Variants in AGXT2 observed in about 807,000 individuals in gnomAD.
AGXT2 encodes the protein alanine--glyoxylate aminotransferase 2, mitochondrial.
In AGXT2, 61 loss-of-function variants were observed where a neutral mutation model predicts 62.5. That is an observed-to-expected ratio of 0.98 (90% CI 0.79 to 1.21). The LOEUF (loss-of-function observed/expected upper bound fraction) is 1.21, where lower values mean the gene tolerates loss of function less well. Ranked by LOEUF, AGXT2 falls within the 50% of genes most tolerant of loss-of-function variation. The pLI, the probability that AGXT2 is intolerant of heterozygous loss-of-function variation, is 0.00. For missense variants in AGXT2, 666 were observed against 641.5 expected (o/e 1.04, Z -0.41); for synonymous variants, 243 against 218.7 (o/e 1.11, Z -0.98).
At chr5:35,000,003 C>A (rs912613397) in intron 13 of AGXT2, among the ~76,000 whole-genome samples, 10 of 152,204 alleles carry the variant, frequency 6.6e-5, no homozygotes, top group African/African-American at 2.4e-4. Flanking sequence ...ACCCCCTTGT[C>A]CCCTATGGCT....
At chr5:35,003,624 TG>T in intron 13 of AGXT2, 138 bp downstream of exon 13, 2 of 809,986 alleles carry the variant, frequency 2.5e-6, no homozygotes, top group Non-Finnish European at 4.2e-6. Flanking sequence ...GACATGTGGC[TG>T]GGTACCTCGG....
intron 1 of AGXT2, among the ~76,000 whole-genome samples, chr5:35,044,193 C>G (rs28305): frequency 0.89 from 135,705 of 152,226 alleles, 61,182 homozygotes; most frequent in African/African-American, 0.97. Flanking sequence ...CTGATATTGA[C>G]GTTTGAGACA....
At chr5:35,001,307 C>T (rs1482789136) in intron 13 of AGXT2, among the ~76,000 whole-genome samples, 1 of 152,202 alleles carries the variant, frequency 6.6e-6, no homozygotes, top group African/African-American at 2.4e-5. Flanking sequence ...TCTGGTTCTT[C>T]ATATCCACAG....
At chr5:35,009,569 C>T (rs755561259) in intron 12 of AGXT2, among the ~76,000 whole-genome samples, 33 of 152,090 alleles carry the variant, frequency 2.2e-4, no homozygotes, top group Non-Finnish European at 4.3e-4. Context: ...GCACTCCCAG[C>T]CTGGGTGACA....
At chr5:35,026,588 A>T in intron 7 of AGXT2, 78 bp from the exon 8 acceptor site, 1 of 1,289,032 alleles carries the variant, frequency 7.8e-7, no homozygotes, top group Non-Finnish European at 1.1e-6. Flanking sequence ...ACATGGGGAA[A>T]AACAGGAAAA....
chr5:35,000,915 G>A (rs78263577), intron 13 of AGXT2, among the ~76,000 whole-genome samples: 6,390 of 152,260 alleles, frequency 0.042, 181 homozygotes, highest in African/African-American at 0.072. Context: ...AGTAGAAATT[G>A]TACATCAAGT....
chr5:35,043,054 TTTC>T (rs1768048116), intron 1 of AGXT2, among the ~76,000 whole-genome samples: 2 of 152,222 alleles, frequency 1.3e-5, no homozygotes, highest in South Asian at 4.1e-4. Flanking sequence ...ACTAGTGAGC[TTTC>T]ATTTCCAAGC....
At chr5:35,001,496 T>C (rs986750080) in intron 13 of AGXT2, among the ~76,000 whole-genome samples, 28 of 152,378 alleles carry the variant, frequency 1.8e-4, no homozygotes, top group African/African-American at 5.0e-4. Context: ...GGATCCTGGT[T>C]CTGTCATTAC....
Position 35,003,752 on chromosome 5 carries a change from C to T in AGXT2, c.1437+11G>A, listed in dbSNP as rs747732789. On this transcript the variant is annotated intron_variant, in intron 13 of 13. Transcript: ENST00000231420. ...CCTAGAGCGATAGGTAAAAACCAGT[C>T]TTTCTCTTACCTGAGAAAAAATGCT... 6.2e-7 allele frequency: 1 copy of T among 1,611,358 alleles called. No individual in the cohort carries two copies. Among genetic ancestry groups the T allele is most frequent in the East Asian group, 2.2e-5 (1 of 44,860 alleles).
rs143428511 is a variant in AGXT2 at position 35,033,873 on chromosome 5, G to A, written c.582-320C>T. 4.0e-3 allele frequency among the ~76,000 whole-genome samples: 604 copies of A among 152,220 alleles called. 3 individuals carry two copies. Among genetic ancestry groups the A allele is most frequent in the African/African-American group, 0.014 (584 of 41,542 alleles). The stretch of plus-strand genomic sequence containing the variant: ...AGCAACAACATACCAGAAATTGTAT[G>A]TTCAATGAATACCAGTCTTCGAAGT... On this transcript the variant is annotated intron_variant, in intron 5 of 13. Transcript: ENST00000231420.
intron 9 of AGXT2, among the ~76,000 whole-genome samples, chr5:35,014,775 C>T (rs1008080578): frequency 1.5e-4 from 23 of 152,114 alleles, no homozygotes; most frequent in African/African-American, 5.3e-4. Flanking sequence ...CTTTGATGAG[C>T]GTTTCCTCTG....
At chr5:35,042,455 A>C (rs1768021448) in intron 1 of AGXT2, among the ~76,000 whole-genome samples, 1 of 152,308 alleles carries the variant, frequency 6.6e-6, no homozygotes, top group South Asian at 2.1e-4. Flanking sequence ...ATAAACCTGG[A>C]TAATACCTCC....
chr5:35,033,530 G>A lies in AGXT2; in HGVS notation c.605C>T (p.Pro202Leu). ...SFRGAYHGCS[P>L]YTLGLTNVGT... ...TACGTTTGTCAAGCCAAGTGTGTAA[G>A]GACTGCATCCATGGTAGGCTCCTCT... The change falls in exon 6 of 14, where the codon CCT (proline) becomes CTT (leucine). Residue 202 changes from proline to leucine, a missense_variant. Physicochemically the swap from Pro to Leu is moderately conservative, Grantham distance 98. Transcript: ENST00000231420. The A allele has an allele frequency of 6.2e-7, 1 of 1,613,796 alleles. No homozygotes were observed. Among genetic ancestry groups the A allele is most frequent in the Non-Finnish European group, 8.5e-7 (1 of 1,179,730 alleles).
intron 9 of AGXT2, among the ~76,000 whole-genome samples, chr5:35,017,692 C>T (rs1194278959): frequency 6.6e-6 from 1 of 152,206 alleles, no homozygotes; most frequent in East Asian, 1.9e-4. Context: ...GAACGCAGTT[C>T]CTCACCAGTA....
At chr5:35,022,212 C>T (rs1289257907) in intron 9 of AGXT2, among the ~76,000 whole-genome samples, 1 of 152,180 alleles carries the variant, frequency 6.6e-6, no homozygotes, top group Non-Finnish European at 1.5e-5. Flanking sequence ...ACCCAGCCAT[C>T]CCATTACTGG....
intron 3 of AGXT2, among the ~76,000 whole-genome samples, chr5:35,038,080 G>A (rs1384884021): frequency 6.6e-6 from 1 of 152,134 alleles, no homozygotes; most frequent in Non-Finnish European, 1.5e-5. Flanking sequence ...AGACATTTTA[G>A]TACCTATAAT....
chr5:35,000,635 C>T (rs1042825544), intron 13 of AGXT2, among the ~76,000 whole-genome samples: 6 of 152,352 alleles, frequency 3.9e-5, no homozygotes, highest in Admixed American at 3.9e-4. Flanking sequence ...GCCGCTTCGG[C>T]CTCCCAAAGT....
chr5:35,023,346 T>C (rs1360502611), intron 9 of AGXT2, among the ~76,000 whole-genome samples: 1 of 152,156 alleles, frequency 6.6e-6, no homozygotes, highest in Non-Finnish European at 1.5e-5. Flanking sequence ...TGCAAAGTGT[T>C]ATGAACAGTG....
intron 7 of AGXT2, among the ~76,000 whole-genome samples, chr5:35,029,548 A>G (rs344509): frequency 0.94 from 142,856 of 152,314 alleles, 67,459 homozygotes; most frequent in Non-Finnish European, 1. Context: ...CTTGGCAGGA[A>G]GAAAACCCCA....
Sources: gnomAD v4.1 joint callset for allele counts (sites outside exome capture counted in the v4.1 genomes callset) on GRCh38, gnomAD v4.1.1 for gene constraint, MANE v1.5 for transcripts, NCBI Gene and HGNC (gene_info 2026-07-23, HGNC 2026-07-21) for gene names.